Variants in SEPTIN9 observed in about 807,000 individuals in gnomAD.
SEPTIN9 encodes the protein septin 9, also known as septin-9.
In SEPTIN9, 13 loss-of-function variants were observed where a neutral mutation model predicts 56.6. The observed-to-expected ratio is 0.23, with a 90% confidence interval of 0.15 to 0.37. The LOEUF is 0.37. SEPTIN9 is among the 10% of genes least tolerant of loss of function. The pLI is 1.00. For missense variants in SEPTIN9, 650 were observed against 823.1 expected (o/e 0.79, Z 2.57); for synonymous variants, 332 against 334.1 (o/e 0.99, Z 0.07).
intron 2 of SEPTIN9, among the ~76,000 whole-genome samples, chr17:77,396,394 C>G (rs1403783398): frequency 2.0e-5 from 3 of 152,184 alleles, no homozygotes; most frequent in African/African-American, 7.2e-5. Flanking sequence ...GTACGGGGTT[C>G]TAAAATCTGC....
In SEPTIN9 at chr17:77,405,529, G is replaced by GACC. The variant is rs1289110469; in HGVS notation, c.721+2827_721+2829dup. Among the ~76,000 whole-genome samples the GACC allele has an allele frequency of 6.6e-6, 1 of 152,230 alleles. No individual in the cohort carries two copies. The highest frequency in any genetic ancestry group is 1.5e-5 in the Non-Finnish European group (1 of 68,046). ...CCAGACCCGGCCACCCACGGACAGG[G>GACC]ACCTGTGCAGGTGGGAGTCCAGCTC... On this transcript the variant is annotated intron_variant, in intron 3 of 11. Transcript: ENST00000427177. The surrounding 1 kb of genome is among the most constrained non-coding windows in gnomAD (Gnocchi z 5.8).
chr17:77,411,739 T>C (rs911216879), intron 3 of SEPTIN9, among the ~76,000 whole-genome samples: 1 of 152,162 alleles, frequency 6.6e-6, no homozygotes, highest in African/African-American at 2.4e-5. Flanking sequence ...CCCACTGTGA[T>C]TGAGAGGCTG....
intron 3 of SEPTIN9, among the ~76,000 whole-genome samples, chr17:77,452,362 A>G (rs1486688158): frequency 6.6e-6 from 1 of 152,162 alleles, no homozygotes; most frequent in African/African-American, 2.4e-5. Context: ...TTTGTAGGCA[A>G]TGCCATCTGC....
At chr17:77,366,094 G>A (rs1461335535) in intron 2 of SEPTIN9, among the ~76,000 whole-genome samples, 1 of 152,172 alleles carries the variant, frequency 6.6e-6, no homozygotes, top group Non-Finnish European at 1.5e-5. Flanking sequence ...CCCTGGGGGT[G>A]AGGAGGTACC....
intron 3 of SEPTIN9, among the ~76,000 whole-genome samples, chr17:77,452,570 G>A (rs1277028991): frequency 6.6e-6 from 1 of 152,166 alleles, no homozygotes; most frequent in African/African-American, 2.4e-5. Flanking sequence ...CCGGAAGCAG[G>A]TTGAGCAGTG....
At chr17:77,412,489 C>T (rs557045045) in intron 3 of SEPTIN9, among the ~76,000 whole-genome samples, 1 of 152,186 alleles carries the variant, frequency 6.6e-6, no homozygotes, top group Non-Finnish European at 1.5e-5. Context: ...ATAATCCCAG[C>T]ACTTTGGGAG....
chr17:77,469,148 G>C (rs899725357), intron 3 of SEPTIN9: 2 of 152,636 alleles, frequency 1.3e-5, no homozygotes, highest in African/African-American at 4.8e-5. Context: ...TGGCACTCAA[G>C]TGTGAATCTG....
chr17:77,471,535 C>T (rs566769987), intron 3 of SEPTIN9, among the ~76,000 whole-genome samples: 2 of 152,396 alleles, frequency 1.3e-5, no homozygotes, highest in African/African-American at 4.8e-5. Context: ...CTGTTGTTGC[C>T]TCACTGCTGA....
At position 77,329,013 on chromosome 17, in the gene SEPTIN9, C is replaced by T. The variant is rs1383459768; in HGVS notation, c.76+21816C>T. Among the ~76,000 whole-genome samples, 1 of 152,126 alleles carries T rather than the reference C, an allele frequency of 6.6e-6. No individual in the cohort carries two copies. Among genetic ancestry groups the T allele is most frequent in the Non-Finnish European group, 1.5e-5 (1 of 68,028 alleles). On this transcript the variant is annotated intron_variant, in intron 2 of 11. Coordinates refer to ENST00000427177, the MANE Select transcript of SEPTIN9 (RefSeq NM_001113491.2). The surrounding 1 kb of genome is among the most constrained non-coding windows in gnomAD (Gnocchi z 4.3). ...AAAGGAAACAGCAGGTGTGAAGGCCCGAGGCTGGAGCCTGGGGAAGGTGGG... is the reference window on the plus strand; with the variant it reads ...AAAGGAAACAGCAGGTGTGAAGGCCTGAGGCTGGAGCCTGGGGAAGGTGGG...
At chr17:77,377,603 G>A (rs1403263296) in intron 2 of SEPTIN9, among the ~76,000 whole-genome samples, 2 of 152,146 alleles carry the variant, frequency 1.3e-5, no homozygotes, top group African/African-American at 4.8e-5. Context: ...AGGACCCCCA[G>A]ATCTGTGTTC....
intron 2 of SEPTIN9, among the ~76,000 whole-genome samples, chr17:77,344,969 CAAAAAAAA>C (rs35165946): frequency 4.4e-5 from 3 of 67,956 alleles, no homozygotes; most frequent in Non-Finnish European, 6.0e-5. Flanking sequence ...AAGACTGCCT[CAAAAAAAA>C]AAAAAAAAAA....
intron 2 of SEPTIN9, among the ~76,000 whole-genome samples, chr17:77,396,134 C>G (rs996821054): frequency 6.6e-6 from 1 of 152,132 alleles, no homozygotes; most frequent in African/African-American, 2.4e-5. Context: ...GAACCTCCTG[C>G]TCTATGGGTG....
chr17:77,303,450 A>T (rs62079504), intron 1 of SEPTIN9, among the ~76,000 whole-genome samples: 18 of 150,614 alleles, frequency 1.2e-4, no homozygotes, highest in Non-Finnish European at 2.2e-4. Flanking sequence ...AACGGTGACT[A>T]ACGCCTGTAA....
intron 2 of SEPTIN9, among the ~76,000 whole-genome samples, chr17:77,348,813 C>T (rs1201295363): frequency 6.6e-6 from 1 of 152,218 alleles, no homozygotes; most frequent in Non-Finnish European, 1.5e-5. Context: ...CATCCATACA[C>T]ATTGTAAACT....
At chr17:77,399,539 T>C (rs2035835190) in intron 2 of SEPTIN9, among the ~76,000 whole-genome samples, 1 of 152,182 alleles carries the variant, frequency 6.6e-6, no homozygotes. Context: ...CTCTGCACTT[T>C]CTGGCATCAG....
At position 77,449,581 on chromosome 17, in the gene SEPTIN9, C is replaced by T. The variant is rs2037887790; in HGVS notation, c.722-32563C>T. Among the ~76,000 whole-genome samples, 1 of 152,158 alleles carries T rather than the reference C, an allele frequency of 6.6e-6. No individual in the cohort carries two copies. Among genetic ancestry groups the T allele is most frequent in the Non-Finnish European group, 1.5e-5 (1 of 68,026 alleles). ...GTTCTGCCCACGGGGAGGGAGAGGC[C>T]CACGGGGCAGGGGCGTGGTGGGAGC... is the stretch of plus-strand genomic sequence containing the variant. On this transcript the variant is annotated intron_variant, in intron 3 of 11. Coordinates refer to ENST00000427177, the MANE Select transcript of SEPTIN9 (RefSeq NM_001113491.2). This position sits in a 1 kb window ranked among gnomAD's most constrained non-coding sequence, Gnocchi z 4.6.
In SEPTIN9 at chr17:77,450,712, C is replaced by T. The variant is rs1568078522; in HGVS notation, c.722-31432C>T. On this transcript the variant is annotated intron_variant, in intron 3 of 11. Coordinates refer to ENST00000427177, the MANE Select transcript of SEPTIN9 (RefSeq NM_001113491.2). This position sits in a 1 kb window ranked among gnomAD's most constrained non-coding sequence, Gnocchi z 6.0. ...AGACTGACTCACTGGCCAGGTCCCC[C>T]AGGGGCTGGAGAGGCTGGAGAGGCA... 1 of 986,318 alleles carries T rather than the reference C, an allele frequency of 1.0e-6. No homozygotes were observed. The highest frequency in any genetic ancestry group is 1.1e-4 in the East Asian group (1 of 8,824). 61.1% of individuals were successfully genotyped at this position (986,318 alleles called of 1,614,324 possible). A position where few individuals can be genotyped will look rare whatever the true frequency, so the allele number is the denominator to read the frequency against.
Position 77,492,715 on chromosome 17 carries a change from G to A in SEPTIN9, c.1475G>A (p.Arg492Gln). 5 of 1,613,358 alleles carry A rather than the reference G, an allele frequency of 3.1e-6. No individual in the cohort carries two copies. Among genetic ancestry groups the A allele is most frequent in the Non-Finnish European group, 4.2e-6 (5 of 1,179,372 alleles). The change falls in exon 9 of 12, where the codon CGG becomes CAG. Residue 492 changes from arginine to glutamine, a missense_variant and splice_region_variant. By Grantham distance (43) the Arg-to-Gln change is conservative (BLOSUM62 1). Around this residue, in one of 2 missense-constraint regions of SEPTIN9, gnomAD observed 333 missense variants for 494.0 expected, o/e 0.67. Coordinates refer to ENST00000427177, the MANE Select transcript of SEPTIN9 (RefSeq NM_001113491.2). The surrounding 1 kb of genome is among the most constrained non-coding windows in gnomAD (Gnocchi z 5.4). ...SEDRLVNEKF[R>Q]EMIPFAVVGS... is the part of the protein sequence containing the mutation. ...GACCGGCTGGTGAACGAGAAGTTCC[G>A]GGTGAGTGGATCCACTAGGATGTTG...
At position 77,499,029 on chromosome 17, in the gene SEPTIN9, T is replaced by C. The variant is rs1235479416; in HGVS notation, c.*371T>C. ...GAGGCCTTGGGGTGGGGGCCAGGCC[T>C]CGCACTTGCAGAGGAGCCCAGTGGG... On this transcript the variant is annotated 3_prime_UTR_variant, in exon 12 of 12. Transcript: ENST00000427177. 2 of 538,476 alleles carry C rather than the reference T, an allele frequency of 3.7e-6. No homozygotes were observed. The highest frequency in any genetic ancestry group is 7.8e-5 in the East Asian group (2 of 25,756). 33.4% of individuals were successfully genotyped at this position (538,476 alleles called of 1,614,324 possible).
Sources: gnomAD v4.1 joint callset for allele counts (sites outside exome capture counted in the v4.1 genomes callset) on GRCh38, gnomAD v4.1.1 for gene constraint, gnomAD v4.1.1 regional missense constraint, Gnocchi (gnomAD v3.1) non-coding constraint, MANE v1.5 for transcripts, NCBI Gene and HGNC (gene_info 2026-07-23, HGNC 2026-07-21) for gene names.